Variants in SEMA3A observed in about 807,000 individuals in gnomAD.
SEMA3A encodes the protein semaphorin 3A.
Under a neutral mutation model 97.9 loss-of-function variants are expected in SEMA3A, and 29 were observed. The ratio of observed to expected loss-of-function variants is 0.30; its 90% confidence interval spans 0.22 to 0.40. The LOEUF is 0.40. SEMA3A is among the 10% of genes least tolerant of loss of function. The pLI, the probability that SEMA3A is intolerant of heterozygous loss-of-function variation, is 1.00. For missense variants in SEMA3A, 763 were observed against 951.3 expected (o/e 0.80, Z 2.60); for synonymous variants, 321 against 323.7 (o/e 0.99, Z 0.09).
intron 3 of SEMA3A, among the ~76,000 whole-genome samples, chr7:84,250,758 T>C (rs763775439): frequency 2.0e-5 from 3 of 152,230 alleles, no homozygotes; most frequent in Non-Finnish European, 2.9e-5. Flanking sequence ...ACTATTTCTA[T>C]GTAATGGAAA....
chr7:83,985,847 T>C (rs1789612372), intron 12 of SEMA3A, among the ~76,000 whole-genome samples: 1 of 152,186 alleles, frequency 6.6e-6, no homozygotes, highest in Non-Finnish European at 1.5e-5. Flanking sequence ...TAGAGCTTTG[T>C]TCTACATTGG....
At chr7:84,435,192 AT>A (rs1805093064) in intron 1 of SEMA3A, among the ~76,000 whole-genome samples, 1 of 151,808 alleles carries the variant, frequency 6.6e-6, no homozygotes, top group South Asian at 2.1e-4. Flanking sequence ...AATCAGTAGC[AT>A]TTTTATACAC....
intron 1 of SEMA3A, among the ~76,000 whole-genome samples, chr7:84,392,137 A>T (rs749210358): frequency 7.2e-5 from 11 of 152,132 alleles, no homozygotes; most frequent in African/African-American, 1.2e-4. Context: ...GTGATATTGA[A>T]ATGTACAATA....
At chr7:84,360,809 T>C (rs541064169) in intron 2 of SEMA3A, among the ~76,000 whole-genome samples, 1 of 152,168 alleles carries the variant, frequency 6.6e-6, no homozygotes, top group South Asian at 2.1e-4. Context: ...TTTTTTATTT[T>C]TTTTGAGAGT....
At chr7:84,332,699 G>A (rs1009954086) in intron 2 of SEMA3A, among the ~76,000 whole-genome samples, 2 of 148,898 alleles carry the variant, frequency 1.3e-5, no homozygotes, top group African/African-American at 5.0e-5. Context: ...ACACACACAC[G>A]TATGTATAAA....
At chr7:84,078,094 T>C (rs1050684260) in intron 4 of SEMA3A, among the ~76,000 whole-genome samples, 3 of 152,084 alleles carry the variant, frequency 2.0e-5, no homozygotes, top group Non-Finnish European at 2.9e-5. Context: ...CTTTAACATA[T>C]GGAATTTGGG....
chr7:84,204,546 C>A (rs1267383668), intron 3 of SEMA3A, among the ~76,000 whole-genome samples: 1 of 152,012 alleles, frequency 6.6e-6, no homozygotes, highest in Non-Finnish European at 1.5e-5. Flanking sequence ...CTCCGAAATG[C>A]CCTTTAGGAG....
intron 1 of SEMA3A, among the ~76,000 whole-genome samples, chr7:84,169,353 TATAGGATGTCTAATGTA>T (rs903784150): frequency 2.6e-5 from 4 of 151,040 alleles, no homozygotes; most frequent in African/African-American, 9.7e-5. Context: ...TATATTCACT[TATAGGATGTCTAATGTA>T]ATATAACATA....
chr7:84,451,768 T>C (rs762362906), intron 1 of SEMA3A, among the ~76,000 whole-genome samples: 4 of 152,202 alleles, frequency 2.6e-5, no homozygotes, highest in Admixed American at 6.5e-5. Context: ...TCATGTTTCA[T>C]TGGACACTTC....
At chr7:83,974,786 C>T (rs558032261) in intron 15 of SEMA3A, among the ~76,000 whole-genome samples, 88 of 152,046 alleles carry the variant, frequency 5.8e-4, no homozygotes, top group Non-Finnish European at 1.1e-3. Context: ...TCAAAACAAG[C>T]AGACAAGGGG....
intron 3 of SEMA3A, among the ~76,000 whole-genome samples, chr7:84,301,644 C>T (rs1335557187): frequency 1.3e-5 from 2 of 152,076 alleles, no homozygotes; most frequent in South Asian, 2.1e-4. Context: ...ATATCTGATG[C>T]TTTGAAGGCC....
intron 4 of SEMA3A, among the ~76,000 whole-genome samples, chr7:84,081,291 A>C (rs1391791640): frequency 6.6e-6 from 1 of 151,768 alleles, no homozygotes; most frequent in East Asian, 1.9e-4. Flanking sequence ...AAAACTGGTA[A>C]AAATTTCCCA....
intron 1 of SEMA3A, among the ~76,000 whole-genome samples, chr7:84,136,209 C>T (rs1029971371): frequency 6.6e-6 from 1 of 152,086 alleles, no homozygotes; most frequent in Admixed American, 6.6e-5. Flanking sequence ...ATGCGATGTG[C>T]CTTCCGAAGA....
At chr7:84,134,612 G>T (rs1014775693) in intron 2 of SEMA3A, among the ~76,000 whole-genome samples, 182 bp downstream of exon 2, 2 of 152,060 alleles carry the variant, frequency 1.3e-5, no homozygotes, top group Admixed American at 1.3e-4. Context: ...TTTCATCCTT[G>T]ATATTTTTTG....
At chr7:84,359,652 T>A (rs1434374760) in intron 2 of SEMA3A, among the ~76,000 whole-genome samples, 3 of 152,182 alleles carry the variant, frequency 2.0e-5, no homozygotes, top group Admixed American at 2.0e-4. Context: ...GCTGGCCTCA[T>A]AAAATGAGTT....
At chr7:84,150,898 C>A (rs998096840) in intron 1 of SEMA3A, among the ~76,000 whole-genome samples, 2 of 150,936 alleles carry the variant, frequency 1.3e-5, no homozygotes. Context: ...GATCTGAGAA[C>A]GGGCAGACTG....
At chr7:84,382,924 T>A (rs1035891844) in intron 1 of SEMA3A, among the ~76,000 whole-genome samples, 2 of 151,828 alleles carry the variant, frequency 1.3e-5, no homozygotes, top group African/African-American at 4.8e-5. Flanking sequence ...ATTTCCCATA[T>A]CATAAAAGCT....
intron 4 of SEMA3A, among the ~76,000 whole-genome samples, chr7:84,082,409 G>A (rs936160297): frequency 2.6e-5 from 4 of 151,884 alleles, no homozygotes; most frequent in Non-Finnish European, 5.9e-5. Flanking sequence ...GAGTACAAAA[G>A]AAAATGAAAA....
chr7:84,004,618 AC>A (rs1324267877), intron 11 of SEMA3A, among the ~76,000 whole-genome samples: 1 of 152,164 alleles, frequency 6.6e-6, no homozygotes, highest in Non-Finnish European at 1.5e-5. Flanking sequence ...CTAAAAAGCC[AC>A]TGGCCAGAAA....
Sources: gnomAD v4.1 joint callset for allele counts (sites outside exome capture counted in the v4.1 genomes callset) on GRCh38, gnomAD v4.1.1 for gene constraint, MANE v1.5 for transcripts, NCBI Gene and HGNC (gene_info 2026-07-23, HGNC 2026-07-21) for gene names.